The following PVT1 variants were observed in gnomAD, a reference collection of about 807,000 sequenced individuals.
PVT1 encodes CXCR4/PVT1 fusion.
At chr8:127,925,245 G>C (rs1048655485) in intron 3 of PVT1, among the ~76,000 whole-genome samples, 2 of 152,136 alleles carry the variant, frequency 1.3e-5, no homozygotes, top group African/African-American at 4.8e-5. Context: ...CCTAGCACAA[G>C]TATATTGCAT....
intron 4 of PVT1, among the ~76,000 whole-genome samples, chr8:128,026,314 G>T (rs1207009271): frequency 7.0e-6 from 1 of 143,848 alleles, no homozygotes; most frequent in Non-Finnish European, 1.5e-5. Flanking sequence ...TTTTTTATTT[G>T]TATTTTTTTT....
intron 4 of PVT1, among the ~76,000 whole-genome samples, chr8:128,045,560 T>A (rs1813601182): frequency 6.6e-6 from 1 of 152,212 alleles, no homozygotes; most frequent in Admixed American, 6.5e-5. Flanking sequence ...AACCCAATGC[T>A]TTTTCCACAA....
At chr8:128,027,317 C>A (rs1182279805) in intron 4 of PVT1, among the ~76,000 whole-genome samples, 15 of 152,210 alleles carry the variant, frequency 9.9e-5, no homozygotes, top group Admixed American at 9.8e-4. Flanking sequence ...CTCAGGACTT[C>A]ACTGTTTGAG....
chr8:127,936,536 C>G (rs972660965), intron 3 of PVT1, among the ~76,000 whole-genome samples: 1 of 152,198 alleles, frequency 6.6e-6, no homozygotes, highest in Non-Finnish European at 1.5e-5. Flanking sequence ...TGGTCTGACA[C>G]TTTCTGAATC....
At chr8:127,803,767 C>CT (rs1466715414) in intron 2 of PVT1, among the ~76,000 whole-genome samples, 2 of 148,794 alleles carry the variant, frequency 1.3e-5, no homozygotes, top group Non-Finnish European at 3.0e-5. Context: ...GTCATCAAGG[C>CT]TGGAGTGCAG....
chr8:128,069,907 C>T (rs1421222268), intron 4 of PVT1, among the ~76,000 whole-genome samples: 1 of 152,024 alleles, frequency 6.6e-6, no homozygotes, highest in Non-Finnish European at 1.5e-5. Context: ...CTCTACCAGG[C>T]CCCCTACCCC....
At chr8:127,857,947 G>C (rs1288662324) in intron 2 of PVT1, among the ~76,000 whole-genome samples, 1 of 152,216 alleles carries the variant, frequency 6.6e-6, no homozygotes, top group Admixed American at 6.5e-5. Context: ...TAAACTCTGG[G>C]TTGAGAAGAG....
chr8:127,927,948 G>T (rs114338197), intron 3 of PVT1, among the ~76,000 whole-genome samples: 1 of 152,174 alleles, frequency 6.6e-6, no homozygotes, highest in Admixed American at 6.5e-5. Flanking sequence ...TTCTCAGTGC[G>T]GTTGGTGGGT....
chr8:128,023,746 G>A (rs572587388), intron 4 of PVT1, among the ~76,000 whole-genome samples: 6 of 152,308 alleles, frequency 3.9e-5, no homozygotes, highest in African/African-American at 7.2e-5. Flanking sequence ...AGAGAGAGAC[G>A]TGAAGTAGCT....
intron 2 of PVT1, among the ~76,000 whole-genome samples, chr8:127,868,799 A>G (rs796262444): frequency 4.7e-3 from 336 of 71,182 alleles, no homozygotes; most frequent in African/African-American, 0.013. Flanking sequence ...ATATACATAT[A>G]TATGTACATA....
intron 3 of PVT1, among the ~76,000 whole-genome samples, chr8:127,945,981 G>A (rs1402544109): frequency 2.0e-5 from 3 of 152,174 alleles, no homozygotes; most frequent in Admixed American, 2.0e-4. Flanking sequence ...CTCGCTGCGG[G>A]TTGGAAAAAA....
At chr8:128,048,636 TC>T (rs1300062086) in intron 4 of PVT1, 2 of 152,296 alleles carry the variant, frequency 1.3e-5, no homozygotes. Flanking sequence ...GGGGTTTGGG[TC>T]CTCGCTCCAG....
intron 5 of PVT1, among the ~76,000 whole-genome samples, chr8:128,091,368 C>T (rs935391204): frequency 6.6e-6 from 1 of 152,146 alleles, no homozygotes; most frequent in African/African-American, 2.4e-5. Context: ...GGGAATCACT[C>T]CTCTCCAGCT....
intron 4 of PVT1, among the ~76,000 whole-genome samples, chr8:127,990,744 A>T (rs1817023073): frequency 6.6e-6 from 1 of 152,220 alleles, no homozygotes; most frequent in Non-Finnish European, 1.5e-5. Flanking sequence ...ATCTGCTGTG[A>T]TAGTCAGCAT....
intron 2 of PVT1, among the ~76,000 whole-genome samples, chr8:127,875,330 TCTCTGTCTCTGA>T (rs1284175103): frequency 6.7e-6 from 1 of 150,186 alleles, no homozygotes; most frequent in South Asian, 2.1e-4. Flanking sequence ...TCTGTCTCTG[TCTCTGTCTCTGA>T]CTCTGTCTGT....
chr8:128,040,788 TTG>T (rs1231381176), intron 4 of PVT1, among the ~76,000 whole-genome samples: 1 of 151,672 alleles, frequency 6.6e-6, no homozygotes, highest in African/African-American at 2.4e-5. Flanking sequence ...GTGTGTGTGC[TTG>T]TGTTTGAGTG....
At chr8:127,911,993 G>A (rs921378351) in intron 3 of PVT1, among the ~76,000 whole-genome samples, 1 of 152,216 alleles carries the variant, frequency 6.6e-6, no homozygotes, top group African/African-American at 2.4e-5. Context: ...GGTGGATGGG[G>A]AGAGGGCAGC....
At chr8:127,897,192 T>C (rs1170578428) in intron 3 of PVT1, among the ~76,000 whole-genome samples, 2 of 152,216 alleles carry the variant, frequency 1.3e-5, no homozygotes, top group Admixed American at 6.5e-5. Flanking sequence ...CATAGGTTTG[T>C]AGGCACTGCA....
At chr8:128,088,474 T>C (rs766939556) in intron 5 of PVT1, among the ~76,000 whole-genome samples, 1 of 152,208 alleles carries the variant, frequency 6.6e-6, no homozygotes, top group Non-Finnish European at 1.5e-5. Context: ...GGTAATATTA[T>C]TGAAAGCCTA....
Sources: gnomAD v4.1 joint callset for allele counts (sites outside exome capture counted in the v4.1 genomes callset) on GRCh38, gnomAD v4.1.1 for gene constraint, MANE v1.5 for transcripts, NCBI Gene and HGNC (gene_info 2026-07-23, HGNC 2026-07-21) for gene names.